CSMD3: variants seen among roughly 807,000 people sequenced by gnomAD.
The protein encoded by CSMD3 is CUB and sushi domain-containing protein 3.
In CSMD3, 177 loss-of-function variants were observed where a neutral mutation model predicts 435.2. The observed-to-expected ratio is 0.41, with a 90% CI of 0.36 to 0.46. The LOEUF is 0.46. CSMD3 is among the 20% of genes least tolerant of loss of function. CSMD3 has a pLI of 0.34. For missense variants in CSMD3, 4,265 were observed against 4,504.6 expected (o/e 0.95, Z 1.52); for synonymous variants, 1,656 against 1,520.5 (o/e 1.09, Z -2.07).
intron 9 of CSMD3, among the ~76,000 whole-genome samples, chr8:112,947,359 C>A (rs2083647248): frequency 6.6e-6 from 1 of 151,568 alleles, no homozygotes; most frequent in Non-Finnish European, 1.5e-5. Flanking sequence ...GTTTATAGAA[C>A]ATTTGCTGGA....
intron 13 of CSMD3, among the ~76,000 whole-genome samples, chr8:112,709,214 T>C (rs2076560717): frequency 6.6e-6 from 1 of 152,130 alleles, no homozygotes. Flanking sequence ...TTATAAGTAA[T>C]GCCTTCTGAA....
rs368457066 is a variant in CSMD3, at chr8:112,832,969, T to C, written c.1756-3180A>G. Among the ~76,000 whole-genome samples the C allele has an allele frequency of 3.1e-3, 470 of 152,260 alleles. 1 individual carries two copies. Among genetic ancestry groups the C allele is most frequent in the African/African-American group, 0.01 (433 of 41,552 alleles). ...ACCCTAAACATATATCACTATTCTG[T>C]ATATAAGTATGTTGGATTTTGGATT... On this transcript the variant is annotated intron_variant, in intron 11 of 70. Coordinates refer to ENST00000297405, the MANE Select transcript of CSMD3 (RefSeq NM_198123.2).
At chr8:112,371,527 GC>G (rs1828389763) in intron 38 of CSMD3, among the ~76,000 whole-genome samples, 2 of 151,938 alleles carry the variant, frequency 1.3e-5, no homozygotes. Flanking sequence ...CTGACTTCCA[GC>G]CCCCAGTCTT....
chr8:113,142,009 C>A (rs2091561228), intron 4 of CSMD3, among the ~76,000 whole-genome samples: 1 of 150,988 alleles, frequency 6.6e-6, no homozygotes, highest in East Asian at 1.9e-4. Flanking sequence ...TTTAAAAATA[C>A]ACTACCATTT....
At chr8:112,271,761 AT>A (rs1374526441) in intron 59 of CSMD3, among the ~76,000 whole-genome samples, 1 of 152,244 alleles carries the variant, frequency 6.6e-6, no homozygotes, top group Non-Finnish European at 1.5e-5. Flanking sequence ...TAAACACTCA[AT>A]AACAGATACT....
intron 35 of CSMD3, among the ~76,000 whole-genome samples, chr8:112,395,889 AT>A (rs962104364): frequency 3.9e-5 from 6 of 152,102 alleles, no homozygotes; most frequent in African/African-American, 1.4e-4. Context: ...CTCAAGTCTA[AT>A]TTTTTTAAGT....
chr8:112,855,474 A>G (rs1299581463), intron 11 of CSMD3, among the ~76,000 whole-genome samples: 1 of 152,144 alleles, frequency 6.6e-6, no homozygotes, highest in Admixed American at 6.5e-5. Flanking sequence ...GACAAATCAG[A>G]AACTCTTTCT....
intron 58 of CSMD3, among the ~76,000 whole-genome samples, chr8:112,286,691 G>C (rs546053707): frequency 1.6e-4 from 24 of 152,038 alleles, no homozygotes; most frequent in Non-Finnish European, 3.1e-4. Context: ...AGAAATAAAG[G>C]GTTAGGTAGT....
At chr8:112,583,435 A>G (rs1217265264) in intron 23 of CSMD3, among the ~76,000 whole-genome samples, 1 of 152,022 alleles carries the variant, frequency 6.6e-6, no homozygotes, top group African/African-American at 2.4e-5. Context: ...TTTAAGGCAT[A>G]TATGTTTCAA....
chr8:112,318,720 G>T (rs1822708458), intron 47 of CSMD3, 117 bp downstream of exon 47: 1 of 697,536 alleles, frequency 1.4e-6, no homozygotes, highest in Non-Finnish European at 2.5e-6. Flanking sequence ...AAAATGTATA[G>T]CATTGTTTCC....
Position 112,595,016 on chromosome 8 carries a change from A to G in CSMD3, c.3716-7781T>C, listed in dbSNP as rs1586760503. ...AGCAATGGAACAAAGCTGAATGGAG[A>G]ATGACTTTGACGAGCTGAGAGAAGA... On this transcript the variant is annotated intron_variant, in intron 22 of 70. Coordinates refer to ENST00000297405, the MANE Select transcript of CSMD3 (RefSeq NM_198123.2). Among the ~76,000 whole-genome samples, 3 of 152,302 alleles carry G rather than the reference A, an allele frequency of 2.0e-5. No individual in the cohort carries two copies. The South Asian group carries it at 6.2e-4, about 32-fold the overall frequency.
rs764895608 is a variant in CSMD3 at position 112,289,468 on chromosome 8, A to T, written c.9045T>A (p.Ser3015=). ...TTCCTGTGCAGGAATAGTGAACAGT[A>T]GACCCAAAAGTATACTTCTCGCCAG... The part of the protein sequence containing the change: ...VLSGEKYTFG[S]TVHYSCTGKR... The change falls in exon 57 of 71, where the codon TCT becomes TCA. Residue 3015 remains serine, a synonymous_variant. Transcript: ENST00000297405. 3.7e-6 allele frequency: 6 copies of T among 1,613,304 alleles called. No homozygotes were observed. In the Admixed American group the frequency reaches 1.0e-4, roughly 27 times the overall value.
In CSMD3 at chr8:113,141,252, A is replaced by AG. The variant is rs925127080; in HGVS notation, c.709+32469dup. Among the ~76,000 whole-genome samples, 7 of 151,006 alleles carry AG rather than the reference A, an allele frequency of 4.6e-5. No individual in the cohort carries two copies. In the South Asian group the frequency reaches 1.2e-3, roughly 27 times the overall value. On this transcript the variant is annotated intron_variant, in intron 4 of 70. Transcript: ENST00000297405. ...TTTGCTGAGGAATTCTACCAAACGC[A>AG]GAAAAACAACACCAATTATACATAA... is the stretch of plus-strand genomic sequence containing the variant.
Position 112,228,911 on chromosome 8 carries a change from T to C in CSMD3, c.10829-20A>G, listed in dbSNP as rs768824369. 8.0e-7 allele frequency: 1 copy of C among 1,250,670 alleles called. No individual in the cohort carries two copies. Among genetic ancestry groups the C allele is most frequent in the South Asian group, 1.2e-5 (1 of 81,214 alleles). 77.5% of individuals were successfully genotyped at this position (1,250,670 alleles called of 1,614,324 possible). A position where few individuals can be genotyped will look rare whatever the true frequency, so the allele number is the denominator to read the frequency against. ...TCAGTCCTACAAAATAAAAAATAAA[T>C]TATAAATACACAACTCTTTTATCAT... is the stretch of plus-strand genomic sequence containing the variant. On this transcript the variant is annotated intron_variant, in intron 69 of 70. Coordinates refer to ENST00000297405, the MANE Select transcript of CSMD3 (RefSeq NM_198123.2).
chr8:112,561,440 C>G (rs188459215), intron 24 of CSMD3, among the ~76,000 whole-genome samples: 6 of 151,400 alleles, frequency 4.0e-5, no homozygotes, highest in Non-Finnish European at 8.9e-5. Flanking sequence ...CCAAAGATAT[C>G]TAATATATTT....
At chr8:112,762,442 TTAAGC>T (rs1454443858) in intron 13 of CSMD3, among the ~76,000 whole-genome samples, 5 of 152,076 alleles carry the variant, frequency 3.3e-5, no homozygotes, top group African/African-American at 1.2e-4. Flanking sequence ...TTTAAATAGT[TTAAGC>T]TAGGCAACAG....
intron 12 of CSMD3, among the ~76,000 whole-genome samples, chr8:112,826,532 T>G (rs981209645): frequency 3.9e-5 from 6 of 152,062 alleles, no homozygotes; most frequent in African/African-American, 1.4e-4. Context: ...TCAGGCTGGG[T>G]AGCACACTCC....
intron 40 of CSMD3, 144 bp from the exon 41 acceptor site, chr8:112,346,357 A>C: frequency 1.5e-6 from 1 of 679,020 alleles, no homozygotes; most frequent in South Asian, 1.6e-5. Flanking sequence ...CTCACTATAC[A>C]CTAGGAATTA....
chr8:113,276,577 G>C (rs577108655), intron 3 of CSMD3, among the ~76,000 whole-genome samples: 1 of 152,130 alleles, frequency 6.6e-6, no homozygotes, highest in East Asian at 1.9e-4. Context: ...ACGCCAGAAA[G>C]TAGATTTTCC....
Sources: gnomAD v4.1 joint callset for allele counts (sites outside exome capture counted in the v4.1 genomes callset) on GRCh38, gnomAD v4.1.1 for gene constraint, MANE v1.5 for transcripts, NCBI Gene and HGNC (gene_info 2026-07-23, HGNC 2026-07-21) for gene names.